The following PHYHIPL variants were observed in gnomAD, a reference collection of about 807,000 sequenced individuals.
PHYHIPL encodes the protein phytanoyl-CoA 2-hydroxylase interacting protein like.
A neutral mutation model predicts 33.4 loss-of-function variants in PHYHIPL; 9 were observed. That is an observed-to-expected ratio of 0.27 (90% CI 0.16 to 0.47). The LOEUF (loss-of-function observed/expected upper bound fraction) is 0.47, where lower values mean the gene tolerates loss of function less well. Among genes scored for constraint, PHYHIPL ranks in the 20% least tolerant of loss-of-function variants. The pLI is 0.99. For missense variants in PHYHIPL, 365 were observed against 460.7 expected, an observed-to-expected ratio of 0.79 and a Z score of 1.90; for synonymous variants, 153 against 154.1, an observed-to-expected ratio of 0.99 and a Z score of 0.05.
intron 1 of PHYHIPL, among the ~76,000 whole-genome samples, chr10:59,209,278 A>C (rs1278494611): frequency 3.3e-5 from 5 of 152,204 alleles, no homozygotes; most frequent in African/African-American, 1.2e-4. Context: ...AATATTCAAC[A>C]TTCTTAAAGA....
intron 1 of PHYHIPL, among the ~76,000 whole-genome samples, chr10:59,224,604 C>A (rs943604989): frequency 5.3e-5 from 8 of 152,152 alleles, no homozygotes; most frequent in Non-Finnish European, 1.2e-4. Flanking sequence ...GAGAAGTTTT[C>A]ATTGGCCTTC....
At chr10:59,176,249 AAAC>A (rs1321232677), upstream of PHYHIPL, among the ~76,000 whole-genome samples, 1 of 152,144 alleles carries the variant, frequency 6.6e-6, no homozygotes, top group Non-Finnish European at 1.5e-5. Flanking sequence ...AATTCTTGGT[AAAC>A]AACAAACATG....
chr10:59,204,552 C>G (rs1449028934), intron 1 of PHYHIPL, among the ~76,000 whole-genome samples: 1 of 152,098 alleles, frequency 6.6e-6, no homozygotes, highest in Non-Finnish European at 1.5e-5. Context: ...GGTTTCATTC[C>G]CATGTCAACT....
At position 59,176,862 on chromosome 10, in the gene PHYHIPL, G is replaced by A. The variant is rs1254818724; in HGVS notation, c.9G>A (p.Val3=). ...CAGAGTGGGTTGGAAAAATGGAGGT[G>A]CCGCGCCTGGATCATGCCCTCAACA... is the stretch of plus-strand genomic sequence containing the variant. ME[V]PRLDHALNSP... is the part of the protein sequence containing the mutation. The change falls in exon 1 of 5, where the codon GTG becomes GTA. Residue 3 remains valine, a synonymous_variant. Coordinates refer to ENST00000373880, the MANE Select transcript of PHYHIPL (RefSeq NM_032439.4). 6.2e-7 allele frequency: 1 copy of A among 1,612,346 alleles called. No homozygotes were observed. Among genetic ancestry groups the A allele is most frequent in the Middle Eastern group, 1.7e-4 (1 of 6,052 alleles).
At chr10:59,204,949 C>G (rs1363597262) in intron 1 of PHYHIPL, among the ~76,000 whole-genome samples, 10 of 150,872 alleles carry the variant, frequency 6.6e-5, no homozygotes, top group Non-Finnish European at 1.5e-5. Context: ...ACTGCAACCT[C>G]CACCTCCTGG....
chr10:59,234,589 A>G, intron 2 of PHYHIPL, 89 bp downstream of exon 2: 1 of 886,986 alleles, frequency 1.1e-6, no homozygotes, highest in Non-Finnish European at 1.6e-6. Context: ...TATTCTATTA[A>G]TGGCTTATGT....
At chr10:59,211,104 C>T (rs1254642035) in intron 1 of PHYHIPL, among the ~76,000 whole-genome samples, 2 of 152,026 alleles carry the variant, frequency 1.3e-5, no homozygotes, top group African/African-American at 2.4e-5. Context: ...TATGGTGGCT[C>T]ATGCCTGCCT....
At chr10:59,241,035 T>C (rs867131843) in intron 4 of PHYHIPL, among the ~76,000 whole-genome samples, 1 of 152,270 alleles carries the variant, frequency 6.6e-6, no homozygotes, top group South Asian at 2.1e-4. Flanking sequence ...ATGATAGTTA[T>C]AAAATCCATG....
intron 1 of PHYHIPL, among the ~76,000 whole-genome samples, chr10:59,181,284 G>C (rs996016687): frequency 6.6e-6 from 1 of 151,986 alleles, no homozygotes; most frequent in Non-Finnish European, 1.5e-5. Flanking sequence ...CCAGTGTCTA[G>C]GTCCTTGTCG....
intron 1 of PHYHIPL, among the ~76,000 whole-genome samples, chr10:59,180,838 A>G (rs1838396386): frequency 6.6e-6 from 1 of 152,182 alleles, no homozygotes; most frequent in African/African-American, 2.4e-5. Context: ...AAAGTAACAA[A>G]TGCTTAATAG....
intron 3 of PHYHIPL, among the ~76,000 whole-genome samples, chr10:59,237,288 A>G (rs1840254534): frequency 1.3e-5 from 2 of 152,070 alleles, no homozygotes; most frequent in South Asian, 2.1e-4. Context: ...AAACATTACC[A>G]TTCATCTCAC....
At chr10:59,243,533 C>T (rs944289315) in intron 4 of PHYHIPL, among the ~76,000 whole-genome samples, 2 of 152,152 alleles carry the variant, frequency 1.3e-5, no homozygotes, top group African/African-American at 2.4e-5. Flanking sequence ...TTAACTGTGA[C>T]AATTTTTTGG....
In PHYHIPL at chr10:59,245,321, T is replaced by C; in HGVS notation, c.861T>C (p.Pro287=). 1 of 1,614,210 alleles carries C rather than the reference T, an allele frequency of 6.2e-7. No individual in the cohort carries two copies. The highest frequency in any genetic ancestry group is 2.2e-5 in the East Asian group (1 of 44,876). ...AYHYVILVIA[P]VGSPGDEFCK... is the part of the protein sequence containing the mutation. ...ATTATGTGATTCTTGTTATTGCTCC[T>C]GTGGGATCACCAGGAGATGAATTTT... is the stretch of plus-strand genomic sequence containing the variant. The change falls in exon 5 of 5, where the codon CCT becomes CCC. Residue 287 remains proline, a synonymous_variant. Coordinates refer to ENST00000373880, the MANE Select transcript of PHYHIPL (RefSeq NM_032439.4).
chr10:59,202,394 C>T (rs1839146568), intron 1 of PHYHIPL, among the ~76,000 whole-genome samples: 2 of 152,050 alleles, frequency 1.3e-5, no homozygotes, highest in Non-Finnish European at 2.9e-5. Flanking sequence ...AACTTTTTTA[C>T]ATGATTAGCC....
At chr10:59,237,464 TA>T (rs1157362481) in intron 3 of PHYHIPL, among the ~76,000 whole-genome samples, 1 of 151,900 alleles carries the variant, frequency 6.6e-6, no homozygotes, top group Non-Finnish European at 1.5e-5. Flanking sequence ...CTGTTTCCTA[TA>T]AAAAACTATA....
At chr10:59,204,916 G>A (rs1003259438) in intron 1 of PHYHIPL, among the ~76,000 whole-genome samples, 2 of 148,760 alleles carry the variant, frequency 1.3e-5, no homozygotes, top group Non-Finnish European at 3.0e-5. Context: ...TCTGGCTGGA[G>A]TGCAGTGGTG....
At position 59,203,812 on chromosome 10, in the gene PHYHIPL, A is replaced by T. The variant is rs1839202811; in HGVS notation, c.106+26853A>T. Among the ~76,000 whole-genome samples, 5 of 151,950 alleles carry T rather than the reference A, an allele frequency of 3.3e-5. No homozygotes were observed. In the South Asian group the frequency reaches 1.0e-3, roughly 32 times the overall value. On this transcript the variant is annotated intron_variant, in intron 1 of 4. Coordinates refer to ENST00000373880, the MANE Select transcript of PHYHIPL (RefSeq NM_032439.4). ...GGGATAGCATTGGGAGAAATACCTC[A>T]TGTAAATGGTGAGTTAATGGGTGCA...
At chr10:59,228,354 C>T (rs921614788) in intron 1 of PHYHIPL, among the ~76,000 whole-genome samples, 1 of 151,936 alleles carries the variant, frequency 6.6e-6, no homozygotes, top group South Asian at 2.1e-4. Flanking sequence ...CTAAAAGTTC[C>T]AACAATGTTC....
intron 4 of PHYHIPL, among the ~76,000 whole-genome samples, chr10:59,240,989 C>T (rs988184303): frequency 1.3e-5 from 2 of 152,044 alleles, no homozygotes; most frequent in African/African-American, 4.8e-5. Flanking sequence ...GCTGTGTTTA[C>T]TAACAAGAAA....
Sources: allele counts gnomAD v4.1 joint callset (sites outside exome capture counted in the v4.1 genomes callset), GRCh38; gene constraint gnomAD v4.1.1; transcripts MANE v1.5; gene names NCBI Gene and HGNC (gene_info 2026-07-23, HGNC 2026-07-21).